FRMPD4: variants seen among roughly 807,000 people sequenced by gnomAD.
FRMPD4 encodes FERM and PDZ domain-containing protein 4.
Under a neutral mutation model 94.1 loss-of-function variants are expected in FRMPD4, and 22 were observed. The ratio of observed to expected loss-of-function variants is 0.23; its 90% CI spans 0.17 to 0.33. The LOEUF is 0.33. Among genes scored for constraint, FRMPD4 ranks in the 10% least tolerant of loss-of-function variants. The probability of loss-of-function intolerance (pLI) is 1.00; values close to 1 mark genes in which losing one functional copy is unlikely to be tolerated. For missense variants in FRMPD4, 1,111 were observed against 1,339.9 expected (o/e 0.83, Z 2.67); for synonymous variants, 631 against 548.6 (o/e 1.15, Z -2.10).
intron 14 of FRMPD4, among the ~76,000 whole-genome samples, chrX:12,712,021 C>T (rs982764842): frequency 3.6e-5 from 4 of 111,415 alleles, no homozygotes; most frequent in African/African-American, 1.3e-4. Context: ...TAGAAGGCAA[C>T]ACCTGGACTT....
intron 1 of FRMPD4, among the ~76,000 whole-genome samples, chrX:12,282,681 G>C (rs1212501079): frequency 8.9e-6 from 1 of 112,336 alleles, no homozygotes; most frequent in Non-Finnish European, 1.9e-5. Flanking sequence ...ATAGCACCAA[G>C]TTGCCATCTA....
intron 3 of FRMPD4, among the ~76,000 whole-genome samples, chrX:12,094,490 G>T (rs777984746): frequency 8.9e-6 from 1 of 111,958 alleles, no homozygotes; most frequent in African/African-American, 3.2e-5. Flanking sequence ...TCCATGCTGT[G>T]CCCACACCAT....
At chrX:12,067,323 C>G (rs1355541333) in intron 3 of FRMPD4, among the ~76,000 whole-genome samples, 1 of 111,755 alleles carries the variant, frequency 8.9e-6, no homozygotes, top group Non-Finnish European at 1.9e-5. Context: ...CCAGAAATTC[C>G]TATGGCCAGC....
At chrX:12,239,426 A>C (rs2057104988) in intron 1 of FRMPD4, among the ~76,000 whole-genome samples, 1 of 112,801 alleles carries the variant, frequency 8.9e-6, no homozygotes, top group Admixed American at 9.4e-5. Flanking sequence ...TGTTCTTTTC[A>C]TGATGGTCAA....
intron 1 of FRMPD4, among the ~76,000 whole-genome samples, chrX:12,454,511 A>T (rs1006790472): frequency 1.4e-3 from 152 of 110,706 alleles, no homozygotes; most frequent in Non-Finnish European, 2.2e-3. Flanking sequence ...AGAATATTGA[A>T]TGTCAAAGAA....
intron 1 of FRMPD4, among the ~76,000 whole-genome samples, chrX:12,283,983 G>A (rs2054563785): frequency 8.9e-6 from 1 of 111,871 alleles, no homozygotes; most frequent in Admixed American, 9.4e-5. Context: ...GCCAACTAGT[G>A]TAGTAAAAAC....
chrX:11,921,891 G>C (rs1013743776), intron 3 of FRMPD4, among the ~76,000 whole-genome samples: 2 of 111,920 alleles, frequency 1.8e-5, no homozygotes, highest in Admixed American at 9.5e-5. Flanking sequence ...TGCAGGTTAG[G>C]TATCTCTCCT....
At chrX:12,361,503 A>G (rs2055988567) in intron 1 of FRMPD4, among the ~76,000 whole-genome samples, 1 of 112,159 alleles carries the variant, frequency 8.9e-6, no homozygotes, top group African/African-American at 3.2e-5. Flanking sequence ...TTTGCTGGGA[A>G]TGCCAGTCCT....
chrX:12,316,925 T>C (rs1237729483), intron 1 of FRMPD4, among the ~76,000 whole-genome samples: 3 of 111,992 alleles, frequency 2.7e-5, no homozygotes, highest in African/African-American at 9.7e-5. Context: ...TTATTGAAAA[T>C]GGCATGTACA....
At chrX:12,087,368 C>T (rs949923789) in intron 3 of FRMPD4, among the ~76,000 whole-genome samples, 1 of 111,956 alleles carries the variant, frequency 8.9e-6, no homozygotes, top group Non-Finnish European at 1.9e-5. Context: ...CAATTCCTTC[C>T]TGCTCGCCAG....
chrX:12,232,368 A>T (rs1298129224), intron 1 of FRMPD4, among the ~76,000 whole-genome samples: 1 of 111,561 alleles, frequency 9.0e-6, no homozygotes, highest in East Asian at 2.8e-4. Context: ...GTCCTTCACA[A>T]GGTGGCAGGA....
chrX:12,457,073 A>G (rs1041109365), intron 1 of FRMPD4, among the ~76,000 whole-genome samples: 1 of 112,460 alleles, frequency 8.9e-6, no homozygotes, highest in African/African-American at 3.2e-5. Context: ...AGAGGACTCT[A>G]TCTAAATCCT....
intron 15 of FRMPD4, 66 bp downstream of exon 15, chrX:12,717,199 C>A: frequency 4.2e-6 from 3 of 713,176 alleles, no homozygotes; most frequent in South Asian, 5.6e-5. Context: ...AAGCCATTTG[C>A]CCCTGGAGTC....
rs2055644326 is a variant in FRMPD4 at position 12,138,896 on chromosome X, G to GGGCTGCGGA, written c.-69_-61dup. On this transcript the variant is annotated 5_prime_UTR_variant, in exon 1 of 17. Coordinates refer to ENST00000675598, the MANE Select transcript of FRMPD4 (RefSeq NM_001368397.1). ...CGGGCGCACTGAGGTCTTGGCCATG[G>GGGCTGCGGA]GGCTGCGGAGGCTGCTGTTGCTGGC... The GGGCTGCGGA allele has an allele frequency of 5.6e-6, 5 of 896,333 alleles. No individual in the cohort carries two copies. The highest frequency in any genetic ancestry group is 6.1e-6 in the Non-Finnish European group (4 of 658,919). 73.9% of individuals were successfully genotyped at this position (896,333 alleles called of 1,213,427 possible). A position where few individuals can be genotyped will look rare whatever the true frequency, so the allele number is the denominator to read the frequency against.
intron 1 of FRMPD4, among the ~76,000 whole-genome samples, chrX:12,282,106 T>C (rs1373691602): frequency 1.8e-5 from 2 of 112,683 alleles, no homozygotes; most frequent in African/African-American, 6.5e-5. Flanking sequence ...ATAGTGATTC[T>C]GAGTCTTGTA....
At chrX:11,861,907 A>G (rs1330002043) in intron 1 of FRMPD4, among the ~76,000 whole-genome samples, 1 of 112,042 alleles carries the variant, frequency 8.9e-6, no homozygotes, top group Admixed American at 9.5e-5. Flanking sequence ...CTGTACAGGA[A>G]GCATGAGGTC....
intron 1 of FRMPD4, among the ~76,000 whole-genome samples, chrX:12,175,503 A>G (rs6640926): frequency 0.13 from 14,626 of 111,243 alleles, 1,351 homozygotes; most frequent in East Asian, 0.61. Context: ...CACTGAATCA[A>G]AAATTCAGTA....
At chrX:12,431,893 T>C (rs1318351682) in intron 1 of FRMPD4, among the ~76,000 whole-genome samples, 1 of 112,092 alleles carries the variant, frequency 8.9e-6, no homozygotes, top group African/African-American at 3.2e-5. Context: ...TTATCTGGAC[T>C]ACCACATTCT....
chrX:12,298,384 C>G (rs1464493020), intron 1 of FRMPD4, among the ~76,000 whole-genome samples: 1 of 112,261 alleles, frequency 8.9e-6, no homozygotes, highest in African/African-American at 3.2e-5. Context: ...AATGTTCTAC[C>G]TTAATCCATT....
Sources: gnomAD v4.1 joint callset for allele counts (sites outside exome capture counted in the v4.1 genomes callset) on GRCh38, gnomAD v4.1.1 for gene constraint, MANE v1.5 for transcripts, NCBI Gene and HGNC (gene_info 2026-07-23, HGNC 2026-07-21) for gene names.